NOX4: variants seen among roughly 807,000 people sequenced by gnomAD.
NOX4 encodes kidney oxidase-1.
A neutral mutation model predicts 87.6 loss-of-function variants in NOX4; 69 were observed. That is an observed-to-expected ratio of 0.79 (90% CI 0.65 to 0.96). NOX4 has a LOEUF of 0.96. Ranked by LOEUF, NOX4 falls within the 40% of genes least tolerant of loss-of-function variation. NOX4 has a pLI of 0.00. For missense variants in NOX4, 680 were observed against 681.5 expected, an observed-to-expected ratio of 1.00 and a Z score of 0.02; for synonymous variants, 275 against 238.2, an observed-to-expected ratio of 1.15 and a Z score of -1.42.
the NOX4 span, among the ~76,000 whole-genome samples, chr11:89,544,860 C>A: frequency 6.6e-6 from 1 of 151,956 alleles, no homozygotes; most frequent in Non-Finnish European, 1.5e-5. Flanking sequence ...TTTTATAACA[C>A]CCTAAAATTT....
the NOX4 span, among the ~76,000 whole-genome samples, chr11:89,532,097 G>A: frequency 1.3e-5 from 2 of 152,218 alleles, no homozygotes; most frequent in Non-Finnish European, 2.9e-5. Flanking sequence ...CTAGGACAAT[G>A]CAGAGTGGAA....
chr11:89,588,749 G>A, the NOX4 span, among the ~76,000 whole-genome samples: 14 of 152,060 alleles, frequency 9.2e-5, no homozygotes, highest in Admixed American at 3.3e-4. Context: ...TTTTTGAGCC[G>A]CATTTATTTT....
At chr11:89,584,517 A>G in the NOX4 span, among the ~76,000 whole-genome samples, 323 of 152,316 alleles carry the variant, frequency 2.1e-3, no homozygotes, top group Middle Eastern at 6.8e-3. Flanking sequence ...TTGTGTGTGT[A>G]GCACAGATGA....
intron 2 of NOX4, among the ~76,000 whole-genome samples, chr11:89,484,245 A>G (rs568510368): frequency 2.1e-4 from 32 of 152,128 alleles, no homozygotes; most frequent in Non-Finnish European, 4.3e-4. Context: ...GTTAGCATTT[A>G]GCTATATATC....
the NOX4 span, among the ~76,000 whole-genome samples, chr11:89,580,886 G>A: frequency 6.6e-6 from 1 of 152,114 alleles, no homozygotes. Flanking sequence ...AATTTATTAT[G>A]CCAGTCTAAA....
chr11:89,421,590 T>A (rs185059703), intron 8 of NOX4, among the ~76,000 whole-genome samples: 1 of 152,274 alleles, frequency 6.6e-6, no homozygotes, highest in African/African-American at 2.4e-5. Context: ...ATTCCTGATG[T>A]TCTTCATTCT....
intron 8 of NOX4, among the ~76,000 whole-genome samples, chr11:89,417,882 T>C (rs547440744): frequency 1.3e-5 from 2 of 152,224 alleles, no homozygotes; most frequent in East Asian, 3.9e-4. Flanking sequence ...AAGGACAAAT[T>C]ATCTGCCAAG....
intron 9 of NOX4, among the ~76,000 whole-genome samples, chr11:89,401,368 A>T (rs960048046): frequency 6.6e-6 from 1 of 152,040 alleles, no homozygotes; most frequent in African/African-American, 2.4e-5. Flanking sequence ...ATATTTGTGA[A>T]TATTATGTGA....
chr11:89,417,706 G>C (rs1227141412), intron 8 of NOX4, among the ~76,000 whole-genome samples: 1 of 152,054 alleles, frequency 6.6e-6, no homozygotes, highest in African/African-American at 2.4e-5. Flanking sequence ...TAAATGTGGA[G>C]TGTCATTCTT....
intron 6 of NOX4, among the ~76,000 whole-genome samples, chr11:89,435,347 A>T (rs141632946): frequency 1.3e-3 from 201 of 152,154 alleles, no homozygotes; most frequent in African/African-American, 4.7e-3. Flanking sequence ...TATAGTTTTG[A>T]ACATGCCAAA....
At chr11:89,344,555 A>AT (rs1946133289) in intron 13 of NOX4, among the ~76,000 whole-genome samples, 1 of 152,120 alleles carries the variant, frequency 6.6e-6, no homozygotes, top group Non-Finnish European at 1.5e-5. Flanking sequence ...GTGTCCAAAA[A>AT]TTTTTTCTTT....
chr11:89,462,856 TA>T (rs2135420601), intron 2 of NOX4, among the ~76,000 whole-genome samples: 1 of 151,744 alleles, frequency 6.6e-6, no homozygotes, highest in African/African-American at 2.4e-5. Context: ...ACAGGCAAAA[TA>T]AAACTATTTT....
At chr11:89,435,384 C>T (rs1051485006) in intron 6 of NOX4, among the ~76,000 whole-genome samples, 2 of 152,004 alleles carry the variant, frequency 1.3e-5, no homozygotes, top group African/African-American at 4.8e-5. Flanking sequence ...CTGCAAATTA[C>T]TTCATCGAAA....
intron 12 of NOX4, among the ~76,000 whole-genome samples, chr11:89,371,909 G>T (rs983509141): frequency 3.3e-5 from 5 of 151,704 alleles, no homozygotes; most frequent in African/African-American, 1.2e-4. Flanking sequence ...ATCCTATGTT[G>T]CAGATTTCCT....
the NOX4 span, among the ~76,000 whole-genome samples, chr11:89,510,774 A>G: frequency 6.6e-6 from 1 of 152,100 alleles, no homozygotes; most frequent in Non-Finnish European, 1.5e-5. Context: ...GTACCTATGC[A>G]TATTACTTGA....
chr11:89,359,381 T>A (rs1485534941), intron 12 of NOX4, among the ~76,000 whole-genome samples: 1 of 105,402 alleles, frequency 9.5e-6, no homozygotes, highest in Admixed American at 1.1e-4. Flanking sequence ...CAGTAGGCAT[T>A]TTTTTTTTTT....
chr11:89,587,894 A>G, the NOX4 span, among the ~76,000 whole-genome samples: 1 of 152,182 alleles, frequency 6.6e-6, no homozygotes, highest in African/African-American at 2.4e-5. Flanking sequence ...ATATGACTTA[A>G]GATGATATTT....
the NOX4 span, among the ~76,000 whole-genome samples, chr11:89,556,500 G>T: frequency 1.4e-5 from 2 of 144,150 alleles, no homozygotes; most frequent in African/African-American, 5.0e-5. Flanking sequence ...TCCAGCCTGG[G>T]TGAAAGGGTG....
At chr11:89,519,476 T>C in the NOX4 span, among the ~76,000 whole-genome samples, 2 of 152,062 alleles carry the variant, frequency 1.3e-5, no homozygotes, top group African/African-American at 2.4e-5. Context: ...AAGTAATGTA[T>C]TGATGTATCT....
Sources: allele counts gnomAD v4.1 joint callset (sites outside exome capture counted in the v4.1 genomes callset), GRCh38; gene constraint gnomAD v4.1.1; transcripts MANE v1.5; gene names NCBI Gene and HGNC (gene_info 2026-07-23, HGNC 2026-07-21).